Variants in TRIM71 observed in about 807,000 individuals in gnomAD.
TRIM71 encodes the protein tripartite motif containing 71, also known as E3 ubiquitin-protein ligase TRIM71.
In TRIM71, 9 loss-of-function variants were observed where a neutral mutation model predicts 61.2. The ratio of observed to expected loss-of-function variants is 0.15; its 90% CI spans 0.09 to 0.26. TRIM71 has a LOEUF of 0.26. Among genes scored for constraint, TRIM71 ranks in the 10% least tolerant of loss-of-function variants. TRIM71 has a pLI of 1.00. For synonymous variants in TRIM71, 645 were observed against 553.2 expected, an observed-to-expected ratio of 1.17 and a Z score of -2.33; for missense variants, 998 against 1,238.7, an observed-to-expected ratio of 0.81 and a Z score of 2.92.
intron 2 of TRIM71, among the ~76,000 whole-genome samples, chr3:32,878,381 G>A (rs545252838): frequency 6.6e-6 from 1 of 152,188 alleles, no homozygotes; most frequent in Non-Finnish European, 1.5e-5. Flanking sequence ...AGCCCGAGGC[G>A]GGTGGATCAC....
intron 1 of TRIM71, among the ~76,000 whole-genome samples, chr3:32,838,522 CTTTT>C (rs11361989): frequency 1.0e-4 from 14 of 136,710 alleles, no homozygotes; most frequent in Admixed American, 2.2e-4. Context: ...TGCACCTGGC[CTTTT>C]TTTTTTTTTT....
rs1697073104 is a variant in TRIM71 at position 32,895,940 on chromosome 3, CA to C, written c.*4130del. The C allele has an allele frequency of 6.6e-6, 1 of 152,388 alleles. No homozygotes were observed. The highest frequency in any genetic ancestry group is 2.4e-5 in the African/African-American group (1 of 41,452). The allele number at this position is 152,388 out of a possible 1,614,324, so 9.4% of individuals were successfully genotyped here. A position where few individuals can be genotyped will look rare whatever the true frequency, so the allele number is the denominator to read the frequency against. Reference sequence around the variant, plus strand: ...AAGCTACCTCTAAAAGAAATGTTACCATAAATCTACAACTGATTTCTCCCAG... The same window carrying C: ...AAGCTACCTCTAAAAGAAATGTTACCTAAATCTACAACTGATTTCTCCCAG... On this transcript the variant is annotated 3_prime_UTR_variant, in exon 4 of 4. Coordinates refer to ENST00000383763, the MANE Select transcript of TRIM71 (RefSeq NM_001039111.3).
chr3:32,869,209 A>G (rs1310504444), intron 1 of TRIM71, among the ~76,000 whole-genome samples: 2 of 152,230 alleles, frequency 1.3e-5, no homozygotes, highest in Admixed American at 6.5e-5. Flanking sequence ...TGGGAAACTC[A>G]GAAACCCTCT....
At chr3:32,858,082 A>AAG (rs774626773) in intron 1 of TRIM71, among the ~76,000 whole-genome samples, 5 of 152,132 alleles carry the variant, frequency 3.3e-5, no homozygotes, top group African/African-American at 9.7e-5. Flanking sequence ...GCTGAGGAGG[A>AAG]AGAGAGAGAG....
rs555496249 is a variant in TRIM71, at chr3:32,878,658, G to A, written c.1020+4673G>A. ...AATAAATAAAAATTTTAAAAATTCC[G>A]CAAACCATGCTACAAACAGACATGC... On this transcript the variant is annotated intron_variant, in intron 2 of 3. Transcript: ENST00000383763. Among the ~76,000 whole-genome samples, 6 of 152,174 alleles carry A rather than the reference G, an allele frequency of 3.9e-5. No homozygotes were observed. In the East Asian group the frequency reaches 7.7e-4, roughly 20 times the overall value.
At chr3:32,831,695 C>T (rs992549203) in intron 1 of TRIM71, among the ~76,000 whole-genome samples, 6 of 151,882 alleles carry the variant, frequency 4.0e-5, no homozygotes, top group African/African-American at 1.5e-4. Context: ...TGCCACCATG[C>T]CTGGCTAATT....
rs1465630769 is a variant in TRIM71, at chr3:32,895,291, A to G, written c.*3480A>G. 2.6e-5 allele frequency: 4 copies of G among 152,218 alleles called. No homozygotes were observed. The highest frequency in any genetic ancestry group is 4.4e-5 in the Non-Finnish European group (3 of 68,040). 9.4% of individuals were successfully genotyped at this position (152,218 alleles called of 1,614,324 possible). A position where few individuals can be genotyped will look rare whatever the true frequency, so the allele number is the denominator to read the frequency against. On this transcript the variant is annotated 3_prime_UTR_variant, in exon 4 of 4. Coordinates refer to ENST00000383763, the MANE Select transcript of TRIM71 (RefSeq NM_001039111.3). ...TAAGTCTAACTTATTTGGGAAACACATAACAAAGGGTACCATAAACCGAAT... is the reference window on the plus strand; with the variant it reads ...TAAGTCTAACTTATTTGGGAAACACGTAACAAAGGGTACCATAAACCGAAT...
intron 1 of TRIM71, among the ~76,000 whole-genome samples, chr3:32,861,517 C>T (rs1004478573): frequency 3.4e-4 from 50 of 146,670 alleles, no homozygotes; most frequent in African/African-American, 1.1e-3. Context: ...AGGAACACTC[C>T]GGAGTTCAAG....
At chr3:32,835,233 C>T (rs1305822672) in intron 1 of TRIM71, among the ~76,000 whole-genome samples, 1 of 152,122 alleles carries the variant, frequency 6.6e-6, no homozygotes, top group Non-Finnish European at 1.5e-5. Context: ...GCATGTGTAA[C>T]ATGATGGGGG....
At chr3:32,831,145 G>T (rs892961605) in intron 1 of TRIM71, among the ~76,000 whole-genome samples, 3 of 152,168 alleles carry the variant, frequency 2.0e-5, no homozygotes, top group Non-Finnish European at 4.4e-5. Flanking sequence ...TATAGATGGG[G>T]GTGGGGGACC....
intron 3 of TRIM71, among the ~76,000 whole-genome samples, chr3:32,886,502 T>A (rs955580196): frequency 1.3e-5 from 2 of 152,176 alleles, no homozygotes; most frequent in African/African-American, 2.4e-5. Flanking sequence ...TTCTTCCTGT[T>A]GGAGCAGGAA....
Position 32,873,818 on chromosome 3 carries a change from G to A in TRIM71, c.853G>A (p.Val285Met). The A allele has an allele frequency of 6.4e-7, 1 of 1,572,640 alleles. No homozygotes were observed. Among genetic ancestry groups the A allele is most frequent in the South Asian group, 1.2e-5 (1 of 84,890 alleles). Residue 285 changes from valine (V) to methionine (M), a missense_variant and splice_region_variant, in exon 2 of 4, where the codon GTG (valine) becomes ATG (methionine). Val to Met is a conservative substitution (Grantham distance 21, BLOSUM62 1). Transcript: ENST00000383763. ...TGCCTGTACCCTCTCTTGTCCCCAG[G>A]TGCTGCACCTGTACTGTGACACTTG... ...LGFCQHHDDE[V>M]LHLYCDTCSV...
chr3:32,877,228 C>T (rs944745838), intron 2 of TRIM71, among the ~76,000 whole-genome samples: 11 of 152,186 alleles, frequency 7.2e-5, no homozygotes, highest in African/African-American at 2.2e-4. Context: ...CTCAGCCTCC[C>T]GAGTAGCTGG....
intron 2 of TRIM71, among the ~76,000 whole-genome samples, chr3:32,879,022 C>T (rs958238219): frequency 1.3e-5 from 2 of 152,224 alleles, no homozygotes; most frequent in African/African-American, 4.8e-5. Context: ...GGGTAACTTG[C>T]TGCAGCTTCT....
rs948290244 is a variant in TRIM71, at chr3:32,896,708, G to C, written c.*4897G>C. ...TTTCCATCATCATTTAACCAATAAT[G>C]GTTCTAAAAGTTTTGTGTATCCACA... On this transcript the variant is annotated 3_prime_UTR_variant, in exon 4 of 4. Transcript: ENST00000383763. The C allele has an allele frequency of 1.3e-5, 2 of 152,060 alleles. No homozygotes were observed. Among genetic ancestry groups the C allele is most frequent in the East Asian group, 3.9e-4 (2 of 5,192 alleles). The allele number at this position is 152,060 out of a possible 1,614,324, so 9.4% of individuals were successfully genotyped here.
intron 1 of TRIM71, among the ~76,000 whole-genome samples, chr3:32,843,332 C>T (rs1696433145): frequency 6.6e-6 from 1 of 152,070 alleles, no homozygotes; most frequent in African/African-American, 2.4e-5. Flanking sequence ...CCCAACTCAC[C>T]AGGATCCCTT....
At chr3:32,848,355 G>A (rs1011521934) in intron 1 of TRIM71, among the ~76,000 whole-genome samples, 6 of 152,180 alleles carry the variant, frequency 3.9e-5, no homozygotes, top group Non-Finnish European at 7.3e-5. Flanking sequence ...TGCCAAGGGA[G>A]TTTTGCAAGG....
chr3:32,876,150 A>T (rs898997978), intron 2 of TRIM71, among the ~76,000 whole-genome samples: 1 of 152,138 alleles, frequency 6.6e-6, no homozygotes, highest in African/African-American at 2.4e-5. Context: ...ATATCAGTGC[A>T]TCTGTCCCTG....
intron 1 of TRIM71, among the ~76,000 whole-genome samples, chr3:32,826,192 C>T (rs1442316740): frequency 1.3e-5 from 2 of 152,146 alleles, no homozygotes; most frequent in Non-Finnish European, 2.9e-5. Context: ...GGTGCGGTGG[C>T]TTACGCCTGC....
Sources: allele counts gnomAD v4.1 joint callset (sites outside exome capture counted in the v4.1 genomes callset), GRCh38; gene constraint gnomAD v4.1.1; transcripts MANE v1.5; gene names NCBI Gene and HGNC (gene_info 2026-07-23, HGNC 2026-07-21).